The following RAB28 variants were observed in gnomAD, a reference collection of about 807,000 sequenced individuals.
RAB28 encodes the protein RAB28, member RAS oncogene family, also known as ras-related protein Rab-28.
In RAB28, 24 loss-of-function variants were observed where a neutral mutation model predicts 31.7. That is an observed-to-expected ratio of 0.76 (90% CI 0.55 to 1.06). RAB28 has a LOEUF of 1.06. Ranked by LOEUF, RAB28 falls within the 50% of genes least tolerant of loss-of-function variation. RAB28 has a pLI of 0.00. For missense variants in RAB28, 254 were observed against 258.5 expected (o/e 0.98, Z 0.12); for synonymous variants, 100 against 90.4 (o/e 1.11, Z -0.60).
chr4:13,458,064 G>C (rs1715394841), intron 4 of RAB28, among the ~76,000 whole-genome samples: 1 of 152,076 alleles, frequency 6.6e-6, no homozygotes, highest in Non-Finnish European at 1.5e-5. Flanking sequence ...AACATGATTT[G>C]TCAAAGGGGG....
At chr4:13,414,402 G>T (rs1282736342) in intron 4 of RAB28, among the ~76,000 whole-genome samples, 2 of 152,122 alleles carry the variant, frequency 1.3e-5, no homozygotes, top group African/African-American at 4.8e-5. Flanking sequence ...AACCCAAACT[G>T]ACTGGGAATA....
At chr4:13,400,869 T>C (rs1711708103) in intron 4 of RAB28, among the ~76,000 whole-genome samples, 1 of 152,214 alleles carries the variant, frequency 6.6e-6, no homozygotes. Context: ...TAAGCTACAT[T>C]AAATAATTTC....
At chr4:13,409,336 A>G (rs1712290175) in intron 4 of RAB28, among the ~76,000 whole-genome samples, 1 of 152,202 alleles carries the variant, frequency 6.6e-6, no homozygotes, top group African/African-American at 2.4e-5. Context: ...GGTACATTAT[A>G]ATTGATTCCA....
intron 4 of RAB28, among the ~76,000 whole-genome samples, chr4:13,418,532 C>A (rs1340560707): frequency 6.6e-6 from 1 of 152,168 alleles, no homozygotes; most frequent in Non-Finnish European, 1.5e-5. Flanking sequence ...AAGGGGAAGC[C>A]CATCAGCTAA....
chr4:13,382,698 T>A (rs1448866052), intron 4 of RAB28, among the ~76,000 whole-genome samples: 1 of 142,498 alleles, frequency 7.0e-6, no homozygotes, highest in Non-Finnish European at 1.5e-5. Flanking sequence ...ATGGAATTTT[T>A]TTTTTTTTTT....
intron 4 of RAB28, among the ~76,000 whole-genome samples, chr4:13,446,921 A>G (rs1327134862): frequency 6.6e-6 from 1 of 152,116 alleles, no homozygotes; most frequent in Non-Finnish European, 1.5e-5. Flanking sequence ...ATCTAAAACC[A>G]AACTTTTAAT....
intron 4 of RAB28, among the ~76,000 whole-genome samples, chr4:13,405,272 T>C (rs1712010424): frequency 6.6e-6 from 1 of 152,164 alleles, no homozygotes; most frequent in South Asian, 2.1e-4. Flanking sequence ...ATATAGCACA[T>C]TGTGCTTATT....
chr4:13,477,638 C>T (rs775260830), intron 2 of RAB28, among the ~76,000 whole-genome samples: 1 of 149,122 alleles, frequency 6.7e-6, no homozygotes, highest in Admixed American at 6.6e-5. Flanking sequence ...AGCATAAAAC[C>T]AACTGCCTTA....
chr4:13,481,154 A>G (rs777634970), intron 1 of RAB28, among the ~76,000 whole-genome samples: 1 of 152,056 alleles, frequency 6.6e-6, no homozygotes, highest in Non-Finnish European at 1.5e-5. Flanking sequence ...AAATTCTAAG[A>G]AAGTTTCTTT....
At chr4:13,370,245 C>T (rs1014832187) in intron 6 of RAB28, 1 of 966,588 alleles carries the variant, frequency 1.0e-6, no homozygotes, top group African/African-American at 1.8e-5. Context: ...CTGAACTTCC[C>T]AAATTGTAAG....
intron 4 of RAB28, among the ~76,000 whole-genome samples, chr4:13,386,146 T>C (rs1729358080): frequency 6.6e-6 from 1 of 151,676 alleles, no homozygotes; most frequent in South Asian, 2.1e-4. Context: ...CACAAGGAAC[T>C]CAAAAAACCC....
intron 6 of RAB28, chr4:13,371,788 TACCA>T (rs1242289426): frequency 2.6e-6 from 4 of 1,546,496 alleles, no homozygotes; most frequent in Non-Finnish European, 3.5e-6. Flanking sequence ...ACCTATAAAA[TACCA>T]ACCTTTATTT....
chr4:13,477,915 T>C (rs1287430741), intron 2 of RAB28, among the ~76,000 whole-genome samples: 2 of 151,576 alleles, frequency 1.3e-5, no homozygotes, highest in African/African-American at 2.4e-5. Flanking sequence ...CCAGTCTTTG[T>C]TTTTAATATT....
At chr4:13,451,543 G>T (rs1714968806) in intron 4 of RAB28, among the ~76,000 whole-genome samples, 1 of 151,392 alleles carries the variant, frequency 6.6e-6, no homozygotes. Context: ...TTTTCACTCT[G>T]TTGGTTGTTT....
intron 4 of RAB28, among the ~76,000 whole-genome samples, chr4:13,407,279 CTTGT>C (rs1335362697): frequency 6.6e-6 from 1 of 152,128 alleles, no homozygotes; most frequent in Non-Finnish European, 1.5e-5. Flanking sequence ...TTCCCCATTA[CTTGT>C]TTTTGTCAGG....
chr4:13,371,950 TG>T, intron 6 of RAB28: 1 of 1,331,758 alleles, frequency 7.5e-7, no homozygotes, highest in East Asian at 2.5e-5. Flanking sequence ...ATACTGGAAA[TG>T]GAAGTGGCAG....
At chr4:13,433,138 G>GA (rs1159582203) in intron 4 of RAB28, among the ~76,000 whole-genome samples, 207 of 69,480 alleles carry the variant, frequency 3.0e-3, no homozygotes, top group Middle Eastern at 0.01. Context: ...GCAAATGAAA[G>GA]AAAAAAAAAA....
chr4:13,434,711 A>G (rs1358466398), intron 4 of RAB28, among the ~76,000 whole-genome samples: 2 of 152,122 alleles, frequency 1.3e-5, no homozygotes, highest in Admixed American at 6.6e-5. Context: ...TCAGACTACA[A>G]TGGAATAAAA....
At chr4:13,439,672 G>T (rs868671956) in intron 4 of RAB28, among the ~76,000 whole-genome samples, 3 of 152,142 alleles carry the variant, frequency 2.0e-5, no homozygotes. Flanking sequence ...CTATGTTTTC[G>T]TCTAAGATTT....
Sources: allele counts gnomAD v4.1 joint callset (sites outside exome capture counted in the v4.1 genomes callset), GRCh38; gene constraint gnomAD v4.1.1; transcripts MANE v1.5; gene names NCBI Gene and HGNC (gene_info 2026-07-23, HGNC 2026-07-21).